Variants in SLCO2B1 observed in about 807,000 individuals in gnomAD.
SLCO2B1 encodes the protein OATP-RP2.
A neutral mutation model predicts 67.3 loss-of-function variants in SLCO2B1; 41 were observed. The ratio of observed to expected loss-of-function variants is 0.61; its 90% CI spans 0.47 to 0.79. The LOEUF is 0.79. Ranked by LOEUF, SLCO2B1 falls within the 30% of genes least tolerant of loss-of-function variation. The pLI is 0.00. For synonymous variants in SLCO2B1, 379 were observed against 381.4 expected (o/e 0.99, Z 0.07); for missense variants, 837 against 920.1 (o/e 0.91, Z 1.17).
chr11:75,169,995 T>C (rs1235390293), intron 6 of SLCO2B1: 1 of 521,584 alleles, frequency 1.9e-6, no homozygotes, highest in Non-Finnish European at 3.4e-6. Flanking sequence ...AACTGTAAAG[T>C]GCCATCAAAT....
chr11:75,172,756 C>T (rs539763810), intron 7 of SLCO2B1, among the ~76,000 whole-genome samples, 187 bp downstream of exon 7: 3 of 152,116 alleles, frequency 2.0e-5, no homozygotes, highest in South Asian at 2.1e-4. Context: ...GGTGAAACCC[C>T]GTCTCTACTA....
rs771531788 is a variant in SLCO2B1 at position 75,172,351 on chromosome 11, C to T, written c.782-28C>T. ...GAAGTGACAGCCTATCATCCTGACCCTAATGTCACCATGCTCTTCTCTTCC... is the reference window on the plus strand; with the variant it reads ...GAAGTGACAGCCTATCATCCTGACCTTAATGTCACCATGCTCTTCTCTTCC... On this transcript the variant is annotated intron_variant, in intron 6 of 13. Transcript: ENST00000289575. The T allele has an allele frequency of 6.3e-6, 10 of 1,595,408 alleles. No individual in the cohort carries two copies. In the Admixed American group the frequency reaches 1.7e-4, roughly 27 times the overall value.
chr11:75,184,325 G>A (rs1950124266), intron 7 of SLCO2B1, among the ~76,000 whole-genome samples: 1 of 152,142 alleles, frequency 6.6e-6, no homozygotes, highest in Admixed American at 6.5e-5. Context: ...GGTCCAGCAG[G>A]GGAGAAAGAT....
intron 8 of SLCO2B1, among the ~76,000 whole-genome samples, chr11:75,192,725 A>AT (rs1340188360): frequency 6.6e-6 from 1 of 152,226 alleles, no homozygotes; most frequent in Non-Finnish European, 1.5e-5. Context: ...ACTCAGTGGA[A>AT]CAAAATGAAA....
chr11:75,161,964 T>C (rs1468669246), intron 1 of SLCO2B1, among the ~76,000 whole-genome samples: 1 of 152,122 alleles, frequency 6.6e-6, no homozygotes, highest in African/African-American at 2.4e-5. Context: ...CAGCTCTGTG[T>C]CCTCAGTTAT....
chr11:75,187,171 C>T (rs1944948584), intron 7 of SLCO2B1, among the ~76,000 whole-genome samples: 1 of 152,164 alleles, frequency 6.6e-6, no homozygotes, highest in Non-Finnish European at 1.5e-5. Context: ...ATGCATTAGT[C>T]ATTAGAACAG....
chr11:75,176,156 G>A (rs1950020670), intron 7 of SLCO2B1, among the ~76,000 whole-genome samples: 1 of 152,198 alleles, frequency 6.6e-6, no homozygotes, highest in African/African-American at 2.4e-5. Flanking sequence ...GGTCTGTGGG[G>A]TAAAGATGGT....
At chr11:75,165,011 T>C (rs1949870128) in intron 3 of SLCO2B1, among the ~76,000 whole-genome samples, 1 of 152,044 alleles carries the variant, frequency 6.6e-6, no homozygotes, top group African/African-American at 2.4e-5. Flanking sequence ...TCACCCAAGG[T>C]CACCAATCAA....
chr11:75,152,804 T>C (rs1346724080), intron 1 of SLCO2B1, among the ~76,000 whole-genome samples: 1 of 152,096 alleles, frequency 6.6e-6, no homozygotes, highest in Non-Finnish European at 1.5e-5. Context: ...GGGTGCCATC[T>C]CTAGCCTTGC....
intron 10 of SLCO2B1, among the ~76,000 whole-genome samples, chr11:75,196,997 T>G (rs1945110666): frequency 6.6e-6 from 1 of 152,132 alleles, no homozygotes. Flanking sequence ...GCACCTGTAA[T>G]CCCAGCTACT....
At chr11:75,202,595 G>A (rs1347334131) in intron 11 of SLCO2B1, 3 of 388,994 alleles carry the variant, frequency 7.7e-6, no homozygotes, top group African/African-American at 6.0e-5. Context: ...GTAGGAGTAA[G>A]GGGAGAATTT....
At chr11:75,164,154 C>A (rs531576058) in intron 3 of SLCO2B1, 54 bp downstream of exon 3, 165 of 1,556,172 alleles carry the variant, frequency 1.1e-4, no homozygotes, top group Non-Finnish European at 1.3e-4. Flanking sequence ...TTGCACCGCA[C>A]CTTCCACCAG....
intron 10 of SLCO2B1, among the ~76,000 whole-genome samples, chr11:75,197,140 T>C (rs1412352292): frequency 6.6e-6 from 1 of 152,136 alleles, no homozygotes; most frequent in Non-Finnish European, 1.5e-5. Flanking sequence ...AAAGCTTTCA[T>C]TGCCAGCCTG....
At chr11:75,160,537 C>T (rs1189716680) in intron 1 of SLCO2B1, among the ~76,000 whole-genome samples, 2 of 152,232 alleles carry the variant, frequency 1.3e-5, no homozygotes, top group East Asian at 3.8e-4. Flanking sequence ...AAATGGTCCC[C>T]TCCACCTCCT....
chr11:75,152,969 T>G (rs371689487), intron 1 of SLCO2B1, among the ~76,000 whole-genome samples: 41 of 150,728 alleles, frequency 2.7e-4, no homozygotes, highest in African/African-American at 9.5e-4. Flanking sequence ...CAGAGAGGAG[T>G]GAAGTTCAGA....
At chr11:75,188,272 G>A (rs574217514) in intron 8 of SLCO2B1, 34 bp downstream of exon 8, 4 of 1,381,398 alleles carry the variant, frequency 2.9e-6, no homozygotes, top group African/African-American at 1.4e-5. Context: ...TGGGGAGCCA[G>A]GGCCAGAGGG....
At chr11:75,184,854 C>CT (rs1220896226) in intron 7 of SLCO2B1, among the ~76,000 whole-genome samples, 1 of 152,132 alleles carries the variant, frequency 6.6e-6, no homozygotes, top group African/African-American at 2.4e-5. Context: ...AGCCTCCCCC[C>CT]TCTACTCACA....
chr11:75,203,280 T>C (rs951516223), intron 12 of SLCO2B1, 27 bp from the exon 13 acceptor site: 2 of 1,610,098 alleles, frequency 1.2e-6, no homozygotes, highest in African/African-American at 1.3e-5. Flanking sequence ...TGGGCCTTCA[T>C]TGTCCCCTGA....
At chr11:75,200,634 G>A (rs1225000165) in intron 11 of SLCO2B1, 6 of 432,782 alleles carry the variant, frequency 1.4e-5, no homozygotes, top group African/African-American at 2.0e-5. Flanking sequence ...AGCAAGTGTT[G>A]GGTGGAATAG....
Sources: gnomAD v4.1 joint callset for allele counts (sites outside exome capture counted in the v4.1 genomes callset) on GRCh38, gnomAD v4.1.1 for gene constraint, MANE v1.5 for transcripts, NCBI Gene and HGNC (gene_info 2026-07-23, HGNC 2026-07-21) for gene names.